Variants in GALNTL6 observed in about 807,000 individuals in gnomAD.
GALNTL6 encodes polypeptide N-acetylgalactosaminyltransferase like 6.
GALNTL6 carries 46 observed loss-of-function variants against 73.7 expected under a neutral mutation model. The ratio of observed to expected loss-of-function variants is 0.62; its 90% CI spans 0.49 to 0.80. The LOEUF (loss-of-function observed/expected upper bound fraction) is 0.80. GALNTL6 is among the 30% of genes least tolerant of loss of function. GALNTL6 has a pLI of 0.00. For synonymous variants in GALNTL6, 259 were observed against 263.7 expected, an observed-to-expected ratio of 0.98 and a Z score of 0.17; for missense variants, 604 against 755.0, an observed-to-expected ratio of 0.80 and a Z score of 2.34.
At chr4:171,961,370 G>A (rs1739213413) in intron 2 of GALNTL6, among the ~76,000 whole-genome samples, 1 of 152,048 alleles carries the variant, frequency 6.6e-6, no homozygotes, top group Non-Finnish European at 1.5e-5. Context: ...GGCCTCAAGA[G>A]GAGAAGAATT....
At chr4:172,432,352 A>G (rs561921772) in intron 5 of GALNTL6, among the ~76,000 whole-genome samples, 1 of 151,748 alleles carries the variant, frequency 6.6e-6, no homozygotes, top group Non-Finnish European at 1.5e-5. Flanking sequence ...AGTGCATAAA[A>G]TTTAGGAAAT....
At chr4:172,845,815 G>A (rs1743480092) in intron 7 of GALNTL6, among the ~76,000 whole-genome samples, 1 of 152,174 alleles carries the variant, frequency 6.6e-6, no homozygotes, top group Non-Finnish European at 1.5e-5. Flanking sequence ...CAGTACAGGT[G>A]AGGCAGGTAA....
chr4:171,830,900 T>A (rs896412649), intron 2 of GALNTL6, among the ~76,000 whole-genome samples: 8 of 152,144 alleles, frequency 5.3e-5, no homozygotes, highest in Non-Finnish European at 1.0e-4. Context: ...GTAGGCACAA[T>A]GTGTGTTTAC....
chr4:172,174,772 G>A (rs1369169969), intron 2 of GALNTL6, among the ~76,000 whole-genome samples: 6 of 152,000 alleles, frequency 3.9e-5, no homozygotes, highest in African/African-American at 7.3e-5. Flanking sequence ...CTTGCACACC[G>A]GGAAGCATAC....
chr4:172,743,347 T>C (rs1339123915), intron 5 of GALNTL6, among the ~76,000 whole-genome samples: 1 of 151,698 alleles, frequency 6.6e-6, no homozygotes, highest in African/African-American at 2.4e-5. Flanking sequence ...AGAAAATGGG[T>C]TAGAATATCA....
intron 8 of GALNTL6, among the ~76,000 whole-genome samples, chr4:172,927,215 A>G (rs1377401047): frequency 6.6e-6 from 1 of 152,212 alleles, no homozygotes. Flanking sequence ...GGTGATGCAC[A>G]TCACTTCCAT....
intron 2 of GALNTL6, among the ~76,000 whole-genome samples, chr4:172,082,774 T>G (rs1239906365): frequency 6.6e-6 from 1 of 152,122 alleles, no homozygotes; most frequent in Non-Finnish European, 1.5e-5. Context: ...TGAAGCTCAA[T>G]GAACCTGGAC....
chr4:172,460,774 G>A (rs1732581379), intron 5 of GALNTL6, among the ~76,000 whole-genome samples: 1 of 152,202 alleles, frequency 6.6e-6, no homozygotes, highest in Admixed American at 6.5e-5. Context: ...TGGTAGGAAT[G>A]TAAATTAGTT....
chr4:172,266,448 C>G (rs1228645575), intron 3 of GALNTL6: 1 of 151,476 alleles, frequency 6.6e-6, no homozygotes, highest in Non-Finnish European at 1.5e-5. Flanking sequence ...TAAGTTGATT[C>G]TACTTATATT....
At chr4:172,468,453 G>T (rs1732920672) in intron 5 of GALNTL6, among the ~76,000 whole-genome samples, 1 of 152,054 alleles carries the variant, frequency 6.6e-6, no homozygotes, top group Non-Finnish European at 1.5e-5. Flanking sequence ...GACTGTTATT[G>T]TTATATAATC....
intron 4 of GALNTL6, among the ~76,000 whole-genome samples, chr4:172,343,949 C>G (rs769570243): frequency 2.4e-4 from 37 of 152,094 alleles, no homozygotes; most frequent in Admixed American, 1.1e-3. Context: ...GATGTCCTTA[C>G]CTCTGAGCCA....
At chr4:172,915,712 C>A (rs1252152686) in intron 8 of GALNTL6, among the ~76,000 whole-genome samples, 2 of 152,090 alleles carry the variant, frequency 1.3e-5, no homozygotes, top group Non-Finnish European at 2.9e-5. Context: ...AAGTCAAATC[C>A]CTGAACAGTC....
intron 5 of GALNTL6, among the ~76,000 whole-genome samples, chr4:172,360,831 T>A (rs1742338427): frequency 6.6e-6 from 1 of 152,182 alleles, no homozygotes; most frequent in South Asian, 2.1e-4. Context: ...TCAATTATGT[T>A]TTCATTATAT....
intron 2 of GALNTL6, among the ~76,000 whole-genome samples, chr4:172,015,027 C>T (rs555393171): frequency 1.7e-4 from 26 of 152,082 alleles, no homozygotes; most frequent in Admixed American, 8.5e-4. Context: ...GTATAATCTG[C>T]AATTGTTGGG....
At chr4:172,949,299 G>C (rs527454552) in intron 9 of GALNTL6, among the ~76,000 whole-genome samples, 33 of 152,286 alleles carry the variant, frequency 2.2e-4, no homozygotes, top group African/African-American at 7.7e-4. Context: ...TGGTCTGAAA[G>C]TGCTTACTTA....
chr4:172,650,843 T>C (rs1456612994), intron 5 of GALNTL6, among the ~76,000 whole-genome samples: 1 of 152,190 alleles, frequency 6.6e-6, no homozygotes, highest in Non-Finnish European at 1.5e-5. Context: ...GTTTTGATAA[T>C]GTCTAAAAAA....
At chr4:172,722,036 GC>G (rs1735510003) in intron 5 of GALNTL6, among the ~76,000 whole-genome samples, 1 of 149,366 alleles carries the variant, frequency 6.7e-6, no homozygotes, top group African/African-American at 2.5e-5. Flanking sequence ...TTTCAGTCCT[GC>G]ACGAACAGAG....
intron 5 of GALNTL6, among the ~76,000 whole-genome samples, chr4:172,736,334 T>C (rs1339835980): frequency 6.6e-6 from 1 of 152,218 alleles, no homozygotes; most frequent in African/African-American, 2.4e-5. Flanking sequence ...TGTTCCTTGC[T>C]GAGAAAAAGA....
At chr4:172,727,633 C>A (rs1735897208) in intron 5 of GALNTL6, among the ~76,000 whole-genome samples, 1 of 152,018 alleles carries the variant, frequency 6.6e-6, no homozygotes, top group South Asian at 2.1e-4. Flanking sequence ...TTAATTTTTT[C>A]ATATGTTTTG....
Sources: allele counts gnomAD v4.1 joint callset (sites outside exome capture counted in the v4.1 genomes callset), GRCh38; gene constraint gnomAD v4.1.1; transcripts MANE v1.5; gene names NCBI Gene and HGNC (gene_info 2026-07-23, HGNC 2026-07-21).